Variants in PRPS1 observed in about 807,000 individuals in gnomAD.
PRPS1 encodes the protein phosphoribosyl pyrophosphate synthetase 1.
Under a neutral mutation model 16.9 loss-of-function variants are expected in PRPS1, and 1 was observed. The observed-to-expected ratio is 0.06, with a 90% CI of 0.02 to 0.28. The LOEUF is 0.28. Among genes scored for constraint, PRPS1 ranks in the 10% least tolerant of loss-of-function variants. The probability of loss-of-function intolerance (pLI) is 1.00; values close to 1 mark genes in which losing one functional copy is unlikely to be tolerated. For synonymous variants in PRPS1, 70 were observed against 90.2 expected, an observed-to-expected ratio of 0.78 and a Z score of 1.27; for missense variants, 47 against 254.0, an observed-to-expected ratio of 0.19 and a Z score of 5.54.
At chrX:107,629,936 TA>T (rs751954344) in intron 1 of PRPS1, 1 of 112,807 alleles carries the variant, frequency 8.9e-6, no homozygotes, top group South Asian at 3.6e-4. Flanking sequence ...ATATTTCGAA[TA>T]TTTTTTCCTA....
chrX:107,650,211 G>A lies in PRPS1; in HGVS notation c.*179G>A, dbSNP rs1245404560. The A allele has an allele frequency of 3.5e-6, 3 of 856,568 alleles. No individual in the cohort carries two copies. Among genetic ancestry groups the A allele is most frequent in the Admixed American group, 3.1e-5 (1 of 32,634 alleles). The allele number at this position is 856,568 out of a possible 1,213,427, so 70.6% of individuals were successfully genotyped here. A position where few individuals can be genotyped will look rare whatever the true frequency, so the allele number is the denominator to read the frequency against. On this transcript the variant is annotated 3_prime_UTR_variant, in exon 7 of 7. Transcript: ENST00000372435. ...AAGACGGATTGAGATTAACTGCTGGGACCTCCTACCTGCATTATCTCATTC... is the reference window on the plus strand; with the variant it reads ...AAGACGGATTGAGATTAACTGCTGGAACCTCCTACCTGCATTATCTCATTC...
Position 107,650,219 on chromosome X carries a change from A to G in PRPS1, c.*187A>G, listed in dbSNP as rs1342206591. On this transcript the variant is annotated 3_prime_UTR_variant, in exon 7 of 7. Coordinates refer to ENST00000372435, the MANE Select transcript of PRPS1 (RefSeq NM_002764.4). ...TTGAGATTAACTGCTGGGACCTCCT[A>G]CCTGCATTATCTCATTCTGGCTTCC... 9 of 780,122 alleles carry G rather than the reference A, an allele frequency of 1.2e-5. No individual in the cohort carries two copies. In the Admixed American group the frequency reaches 2.6e-4, roughly 22 times the overall value. The allele number at this position is 780,122 out of a possible 1,213,427, so 64.3% of individuals were successfully genotyped here.
At position 107,645,245 on chromosome X, in the gene PRPS1, A is replaced by G. The variant is rs1424174127; in HGVS notation, c.599A>G (p.Asn200Ser). Residue 200 changes from asparagine (N) to serine (S), a missense_variant, in exon 5 of 7, where the codon AAT becomes AGT. By Grantham distance (46) the Asn-to-Ser change is conservative (BLOSUM62 1). Coordinates refer to ENST00000372435, the MANE Select transcript of PRPS1 (RefSeq NM_002764.4). ...ATTCACAAAGAACGGAAGAAGGCCA[A>G]TGAAGTGGACCGCATGGTGCTTGTG... ...ALIHKERKKA[N>S]EVDRMVLVGD... 8.2e-6 allele frequency: 10 copies of G among 1,212,337 alleles called. No homozygotes were observed. The highest frequency in any genetic ancestry group is 1.1e-5 in the Non-Finnish European group (10 of 895,677).
At chrX:107,636,668 C>G (rs1478382051) in intron 1 of PRPS1, 2 of 112,388 alleles carry the variant, frequency 1.8e-5, no homozygotes, top group Admixed American at 1.9e-4. Context: ...TCCTGAGTAG[C>G]TGGGATTACA....
intron 1 of PRPS1, among the ~76,000 whole-genome samples, chrX:107,637,581 G>A (rs899165468): frequency 9.0e-6 from 1 of 111,062 alleles, no homozygotes; most frequent in Non-Finnish European, 1.9e-5. Flanking sequence ...ATTATGGTCC[G>A]GTTATTTGTA....
chrX:107,640,842 A>G, intron 2 of PRPS1, 60 bp from the exon 3 acceptor site: 1 of 1,155,424 alleles, frequency 8.7e-7, no homozygotes, highest in African/African-American at 1.8e-5. Context: ...TTCTTGAGTA[A>G]ATGAATTGTT....
chrX:107,635,133 G>A (rs1466100197), intron 1 of PRPS1, among the ~76,000 whole-genome samples: 3 of 110,490 alleles, frequency 2.7e-5, no homozygotes, highest in Admixed American at 9.7e-5. Flanking sequence ...GAGCCACCGT[G>A]CCCAGCGATA....
intron 4 of PRPS1, among the ~76,000 whole-genome samples, chrX:107,642,863 C>G (rs1925607208): frequency 8.9e-6 from 1 of 112,113 alleles, no homozygotes; most frequent in African/African-American, 3.2e-5. Context: ...TTTTACACTC[C>G]TCTTACAATG....
In PRPS1 at chrX:107,650,320, G is replaced by A. The variant is rs1436069888; in HGVS notation, c.*288G>A. On this transcript the variant is annotated 3_prime_UTR_variant, in exon 7 of 7. Coordinates refer to ENST00000372435, the MANE Select transcript of PRPS1 (RefSeq NM_002764.4). ...GATTTCAGACTTTTGAGGATGTTGT[G>A]TGAGGGTGTTTGACTGTGACTGGGG... 4.5e-6 allele frequency: 2 copies of A among 441,113 alleles called. No individual in the cohort carries two copies. Among genetic ancestry groups the A allele is most frequent in the Non-Finnish European group, 7.7e-6 (2 of 260,659 alleles). 36.4% of individuals were successfully genotyped at this position (441,113 alleles called of 1,213,427 possible).
chrX:107,634,225 A>T (rs1464564941), intron 1 of PRPS1, among the ~76,000 whole-genome samples: 1 of 108,905 alleles, frequency 9.2e-6, no homozygotes, highest in African/African-American at 3.3e-5. Flanking sequence ...TTATTTATTT[A>T]TTTTTTTGAG....
In PRPS1 at chrX:107,650,132, G is replaced by A. The variant is rs1212156354; in HGVS notation, c.*100G>A. On this transcript the variant is annotated 3_prime_UTR_variant, in exon 7 of 7. Transcript: ENST00000372435. ...TCAGCAGAAGACCCGGCTTGCTCCA[G>A]TGTAGCTTTCTACATCCCACATCAG... 8.4e-7 allele frequency: 1 copy of A among 1,187,078 alleles called. No homozygotes were observed. Among genetic ancestry groups the A allele is most frequent in the Admixed American group, 2.3e-5 (1 of 43,600 alleles).
chrX:107,641,037 G>A (rs1467750710), intron 3 of PRPS1, 37 bp downstream of exon 3: 2 of 1,209,816 alleles, frequency 1.7e-6, no homozygotes, highest in African/African-American at 3.5e-5. Flanking sequence ...TTTGAAAGGT[G>A]GGAGGAAAGG....
In PRPS1 at chrX:107,650,184, G is replaced by A; in HGVS notation, c.*152G>A. 2 of 1,036,646 alleles carry A rather than the reference G, an allele frequency of 1.9e-6. No homozygotes were observed. The highest frequency in any genetic ancestry group is 2.2e-5 in the South Asian group (1 of 46,328). 85.4% of individuals were successfully genotyped at this position (1,036,646 alleles called of 1,213,427 possible). ...TATATTAGAGCTTATCCGAACTGGG[G>A]AAAGACGGATTGAGATTAACTGCTG... On this transcript the variant is annotated 3_prime_UTR_variant, in exon 7 of 7. Transcript: ENST00000372435.
At chrX:107,630,650 C>A (rs951718103) in intron 1 of PRPS1, among the ~76,000 whole-genome samples, 8 of 110,193 alleles carry the variant, frequency 7.3e-5, no homozygotes, top group Admixed American at 6.8e-4. Context: ...TAACTGCTCC[C>A]CCAGGTGACT....
intron 2 of PRPS1, among the ~76,000 whole-genome samples, chrX:107,640,197 C>G (rs947768571): frequency 2.7e-5 from 3 of 112,070 alleles, no homozygotes; most frequent in Non-Finnish European, 5.6e-5. Context: ...AAGAAATTAT[C>G]CAGGCGTGGC....
chrX:107,640,344 C>CA (rs759522021), intron 2 of PRPS1, among the ~76,000 whole-genome samples: 4,440 of 24,601 alleles, frequency 0.18, 345 homozygotes, highest in African/African-American at 0.34. Context: ...TCTGTCTCTA[C>CA]AAAAAAAAAA....
intron 1 of PRPS1, among the ~76,000 whole-genome samples, chrX:107,635,929 G>T (rs980882695): frequency 1.9e-5 from 2 of 107,831 alleles, no homozygotes; most frequent in African/African-American, 6.8e-5. Flanking sequence ...GCGTGGTGGC[G>T]TGCGGCTGTA....
chrX:107,645,891 G>T (rs185978787), intron 5 of PRPS1, among the ~76,000 whole-genome samples: 1 of 109,951 alleles, frequency 9.1e-6, no homozygotes, highest in East Asian at 2.9e-4. Context: ...TATATTACTT[G>T]TCATCTCTTG....
At chrX:107,643,488 C>T (rs1251548205) in intron 4 of PRPS1, among the ~76,000 whole-genome samples, 2 of 111,759 alleles carry the variant, frequency 1.8e-5, no homozygotes, top group African/African-American at 6.5e-5. Context: ...TAGTAGACAA[C>T]TTATTGCTAC....
Sources: allele counts gnomAD v4.1 joint callset (sites outside exome capture counted in the v4.1 genomes callset), GRCh38; gene constraint gnomAD v4.1.1; transcripts MANE v1.5; gene names NCBI Gene and HGNC (gene_info 2026-07-23, HGNC 2026-07-21).